The following CATSPERE variants were observed in gnomAD, a reference collection of about 807,000 sequenced individuals.
CATSPERE encodes the protein catsper channel auxiliary subunit epsilon.
A neutral mutation model predicts 114.1 loss-of-function variants in CATSPERE; 93 were observed. The ratio of observed to expected loss-of-function variants is 0.81; its 90% CI spans 0.69 to 0.97. The LOEUF (loss-of-function observed/expected upper bound fraction) is 0.97. Among genes scored for constraint, CATSPERE ranks in the 50% least tolerant of loss-of-function variants. The pLI, the probability that CATSPERE is intolerant of heterozygous loss-of-function variation, is 0.00. For missense variants in CATSPERE, 1,058 were observed against 1,131.6 expected, an observed-to-expected ratio of 0.93 and a Z score of 0.93; for synonymous variants, 341 against 384.1, an observed-to-expected ratio of 0.89 and a Z score of 1.31.
intron 10 of CATSPERE, among the ~76,000 whole-genome samples, chr1:244,567,032 G>T (rs1663676317): frequency 6.6e-6 from 1 of 152,124 alleles, no homozygotes; most frequent in African/African-American, 2.4e-5. Context: ...CTCTTGTAAG[G>T]CAGGCCTGGT....
At chr1:244,530,532 A>G (rs1423454387) in intron 8 of CATSPERE, among the ~76,000 whole-genome samples, 5 of 150,646 alleles carry the variant, frequency 3.3e-5, no homozygotes, top group Non-Finnish European at 7.4e-5. Flanking sequence ...AAATTTTAGG[A>G]TTTTTTTTTC....
upstream of CATSPERE, chr1:244,452,070 G>C (rs1665651244): frequency 2.9e-6 from 1 of 339,354 alleles, no homozygotes; most frequent in Non-Finnish European, 5.3e-6. Flanking sequence ...GGCCCTGGTG[G>C]CGGCAACGGC....
intron 7 of CATSPERE, among the ~76,000 whole-genome samples, chr1:244,513,906 C>T (rs1354040382): frequency 2.0e-5 from 3 of 152,118 alleles, no homozygotes; most frequent in African/African-American, 4.8e-5. Flanking sequence ...CAAATTGATC[C>T]CTGTGCTCCC....
At chr1:244,538,414 T>C in intron 8 of CATSPERE, among the ~76,000 whole-genome samples, 1 of 152,206 alleles carries the variant, frequency 6.6e-6, no homozygotes, top group Non-Finnish European at 1.5e-5. Flanking sequence ...TTAGCAATTC[T>C]GTTAAGTAAG....
rs907280633 is a variant in CATSPERE, at chr1:244,568,261, TG to T, written c.1508-4068del. Among the ~76,000 whole-genome samples the T allele has an allele frequency of 1.3e-5, 2 of 152,146 alleles. No individual in the cohort carries two copies. Among genetic ancestry groups the T allele is most frequent in the Admixed American group, 1.3e-4 (2 of 15,276 alleles). On this transcript the variant is annotated intron_variant, in intron 10 of 21. Coordinates refer to ENST00000366534, the MANE Select transcript of CATSPERE (RefSeq NM_001130957.2). This position sits in a 1 kb window ranked among gnomAD's most constrained non-coding sequence, Gnocchi z 4.4. ...CGCCAGATGCCAGCCAGAGCTCTTC[TG>T]TATGAGGTGTCTGTCAACCCCTGCT...
upstream of CATSPERE, chr1:244,451,946 G>T: frequency 3.1e-6 from 3 of 974,452 alleles, no homozygotes; most frequent in South Asian, 1.9e-5. This position sits in a 1 kb window ranked among gnomAD's most constrained non-coding sequence, Gnocchi z 6.6. Flanking sequence ...CCCCCGCCCC[G>T]CCGGGCCGCC....
chr1:244,519,038 A>G (rs1342482220), intron 8 of CATSPERE, among the ~76,000 whole-genome samples: 7 of 152,126 alleles, frequency 4.6e-5, no homozygotes, highest in African/African-American at 1.7e-4. Flanking sequence ...ACACACACAC[A>G]CACACCACAA....
At chr1:244,477,049 A>G (rs1400057340) in intron 2 of CATSPERE, among the ~76,000 whole-genome samples, 1 of 152,100 alleles carries the variant, frequency 6.6e-6, no homozygotes, top group Non-Finnish European at 1.5e-5. Context: ...AGGCTGGAGT[A>G]CAATGACGTG....
intron 8 of CATSPERE, among the ~76,000 whole-genome samples, chr1:244,545,902 T>C (rs1659674607): frequency 6.6e-6 from 1 of 152,150 alleles, no homozygotes; most frequent in South Asian, 2.1e-4. Flanking sequence ...CATTTGCACC[T>C]ATGGTCTCAT....
chr1:244,498,960 T>G (rs1673556180), intron 6 of CATSPERE, 42 bp from the exon 7 acceptor site: 2 of 1,454,568 alleles, frequency 1.4e-6, no homozygotes, highest in South Asian at 1.2e-5. Flanking sequence ...AAAAGAAATT[T>G]GTACAAAATG....
intron 10 of CATSPERE, among the ~76,000 whole-genome samples, chr1:244,566,128 T>C (rs1202576041): frequency 6.6e-6 from 1 of 152,246 alleles, no homozygotes; most frequent in Non-Finnish European, 1.5e-5. Context: ...AGTTGTGTAG[T>C]TTTGAGTAAG....
chr1:244,582,983 G>T, intron 12 of CATSPERE, among the ~76,000 whole-genome samples: 1 of 52,446 alleles, frequency 1.9e-5, no homozygotes. Flanking sequence ...ATATAAATCA[G>T]TGACAGAGAC....
At position 244,573,026 on chromosome 1, in the gene CATSPERE, CTTCT is replaced by C. The variant is rs1664695041; in HGVS notation, c.1950+257_1950+260del. Among the ~76,000 whole-genome samples the C allele has an allele frequency of 2.0e-5, 3 of 151,708 alleles. No homozygotes were observed. The highest frequency in any genetic ancestry group is 2.0e-4 in the Admixed American group (3 of 15,224). Reference sequence around the variant, plus strand: ...TTGTCAATTGTATTGTTCACTTCTTCTTCTTTTTTTTTTTAATGCATGGCTTTCC... The same window carrying C: ...TTGTCAATTGTATTGTTCACTTCTTCTTTTTTTTTTAATGCATGGCTTTCC... On this transcript the variant is annotated intron_variant, in intron 11 of 21. Transcript: ENST00000366534. The surrounding 1 kb of genome is among the most constrained non-coding windows in gnomAD (Gnocchi z 4.0).
At chr1:244,550,882 A>G (rs1660501592) in intron 8 of CATSPERE, among the ~76,000 whole-genome samples, 1 of 152,208 alleles carries the variant, frequency 6.6e-6, no homozygotes, top group South Asian at 2.1e-4. Context: ...TGTCCAGCTG[A>G]GAAACTCTGC....
chr1:244,573,217 C>G lies in CATSPERE; in HGVS notation c.1950+445C>G, dbSNP rs1244069748. ...ACGAGGTCAGGAGATCGAGACCATC[C>G]TGGCTAACACAGTGAAACCCCGTCT... On this transcript the variant is annotated intron_variant, in intron 11 of 21. Transcript: ENST00000366534. This position sits in a 1 kb window ranked among gnomAD's most constrained non-coding sequence, Gnocchi z 4.0. 6.6e-6 allele frequency among the ~76,000 whole-genome samples: 1 copy of G among 152,064 alleles called. No homozygotes were observed. The highest frequency in any genetic ancestry group is 1.5e-5 in the Non-Finnish European group (1 of 68,002).
Position 244,470,900 on chromosome 1 carries a change from A to C in CATSPERE, c.115-6641A>C, listed in dbSNP as rs557869878. Among the ~76,000 whole-genome samples the C allele has an allele frequency of 5.3e-5, 8 of 152,378 alleles. No individual in the cohort carries two copies. The South Asian group carries it at 1.0e-3, about 20-fold the overall frequency. On this transcript the variant is annotated intron_variant, in intron 2 of 21. Coordinates refer to ENST00000366534, the MANE Select transcript of CATSPERE (RefSeq NM_001130957.2). Reference sequence around the variant, plus strand: ...CCTTGAAAACATTATGCTAAGTGCAAGAAACCTTTCACAAAGGACCACATG... The same window carrying C: ...CCTTGAAAACATTATGCTAAGTGCACGAAACCTTTCACAAAGGACCACATG...
chr1:244,482,543 C>T (rs1359963466), intron 5 of CATSPERE, among the ~76,000 whole-genome samples: 10 of 151,872 alleles, frequency 6.6e-5, no homozygotes, highest in East Asian at 1.9e-4. Flanking sequence ...TTAAAGCTAC[C>T]GTGAGCTATG....
intron 5 of CATSPERE, 55 bp from the exon 6 acceptor site, chr1:244,490,392 G>C (rs144650083): frequency 1.3e-5 from 15 of 1,188,796 alleles, no homozygotes; most frequent in Middle Eastern, 1.9e-4. Flanking sequence ...TAGAATATTC[G>C]ACCTAATGTT....
chr1:244,510,815 T>TC (rs1230470759), intron 7 of CATSPERE, among the ~76,000 whole-genome samples: 1 of 149,848 alleles, frequency 6.7e-6, no homozygotes, highest in African/African-American at 2.5e-5. Flanking sequence ...TTTCTTTCTT[T>TC]TTTTTTTCTT....
Sources: allele counts gnomAD v4.1 joint callset (sites outside exome capture counted in the v4.1 genomes callset), GRCh38; gene constraint gnomAD v4.1.1; non-coding constraint Gnocchi (gnomAD v3.1); transcripts MANE v1.5; gene names NCBI Gene and HGNC (gene_info 2026-07-23, HGNC 2026-07-21).